Variants in ME3 observed in about 807,000 individuals in gnomAD.
ME3 encodes the protein NADP-dependent malic enzyme, mitochondrial.
A neutral mutation model predicts 68.9 loss-of-function variants in ME3; 48 were observed. The ratio of observed to expected loss-of-function variants is 0.70; its 90% CI spans 0.55 to 0.89. The LOEUF is 0.89. Among genes scored for constraint, ME3 ranks in the 40% least tolerant of loss-of-function variants. The pLI, the probability that ME3 is intolerant of heterozygous loss-of-function variation, is 0.00. For missense variants in ME3, 675 were observed against 797.4 expected, an observed-to-expected ratio of 0.85 and a Z score of 1.85; for synonymous variants, 320 against 318.8, an observed-to-expected ratio of 1.00 and a Z score of -0.04.
intron 4 of ME3, among the ~76,000 whole-genome samples, chr11:86,546,956 C>T (rs1033765500): frequency 4.6e-5 from 7 of 150,986 alleles, no homozygotes; most frequent in Admixed American, 6.6e-5. Flanking sequence ...GAAAATGTAG[C>T]GGCCGGGCAC....
chr11:86,591,826 G>C (rs1959077996), intron 2 of ME3, among the ~76,000 whole-genome samples: 1 of 152,024 alleles, frequency 6.6e-6, no homozygotes, highest in Admixed American at 6.5e-5. Context: ...AACAGCATGG[G>C]AAAGACCTGC....
At chr11:86,498,443 T>C (rs1952508981) in intron 5 of ME3, among the ~76,000 whole-genome samples, 1 of 152,016 alleles carries the variant, frequency 6.6e-6, no homozygotes. Context: ...GGAAACTAAA[T>C]AGACACTCTC....
chr11:86,475,545 A>G (rs1951011610), intron 7 of ME3, among the ~76,000 whole-genome samples: 1 of 152,180 alleles, frequency 6.6e-6, no homozygotes. Context: ...CAGGGAAGGC[A>G]CGTGATAAAT....
exon 13 of ME3, chr11:86,446,383 C>G: frequency 3.7e-6 from 6 of 1,614,182 alleles, no homozygotes; most frequent in Non-Finnish European, 4.2e-6. Flanking sequence ...CCAGTGCCAC[C>G]CCGGGGAACA....
At chr11:86,449,629 T>C (rs893883999) in intron 10 of ME3, among the ~76,000 whole-genome samples, 5 of 152,150 alleles carry the variant, frequency 3.3e-5, no homozygotes, top group African/African-American at 1.2e-4. Flanking sequence ...TATGATTTAA[T>C]GTGGCTGGAG....
intron 7 of ME3, among the ~76,000 whole-genome samples, chr11:86,480,855 A>C (rs1303286042): frequency 6.6e-6 from 1 of 152,178 alleles, no homozygotes; most frequent in Non-Finnish European, 1.5e-5. Flanking sequence ...GTAGACCTCC[A>C]TGGCAGGGTG....
intron 5 of ME3, among the ~76,000 whole-genome samples, chr11:86,508,192 A>G (rs757019095): frequency 6.6e-5 from 10 of 152,116 alleles, no homozygotes; most frequent in Admixed American, 1.3e-4. Context: ...ATTGTCCATC[A>G]TAGGCTTTTA....
chr11:86,499,191 T>G (rs989552367), intron 5 of ME3, among the ~76,000 whole-genome samples: 2 of 151,708 alleles, frequency 1.3e-5, no homozygotes, highest in African/African-American at 4.8e-5. Flanking sequence ...GTAGAGGTGC[T>G]GGGGGTGGGG....
At chr11:86,627,505 T>C (rs1019618212) in intron 2 of ME3, among the ~76,000 whole-genome samples, 3 of 152,202 alleles carry the variant, frequency 2.0e-5, no homozygotes, top group African/African-American at 7.2e-5. Context: ...AAGTGTATTA[T>C]TTCTTTATTC....
At chr11:86,589,366 A>G (rs1228834370) in intron 2 of ME3, among the ~76,000 whole-genome samples, 1 of 151,890 alleles carries the variant, frequency 6.6e-6, no homozygotes, top group Non-Finnish European at 1.5e-5. Flanking sequence ...AGAGGGAGAA[A>G]GAAAGAGAGA....
chr11:86,584,626 T>C (rs1958629022), intron 2 of ME3, among the ~76,000 whole-genome samples: 1 of 152,204 alleles, frequency 6.6e-6, no homozygotes. Context: ...AAATATGGAA[T>C]GCCTGCAATA....
chr11:86,490,140 G>T (rs1245497399), intron 6 of ME3, among the ~76,000 whole-genome samples: 3 of 152,172 alleles, frequency 2.0e-5, no homozygotes, highest in Non-Finnish European at 2.9e-5. Context: ...TATTAGGTGT[G>T]GGGGAGGGTG....
intron 2 of ME3, among the ~76,000 whole-genome samples, chr11:86,646,202 G>A (rs1415465823): frequency 6.6e-6 from 1 of 152,160 alleles, no homozygotes; most frequent in East Asian, 1.9e-4. Context: ...CAAAGAATGA[G>A]TTTGAATTGA....
intron 4 of ME3, among the ~76,000 whole-genome samples, chr11:86,527,777 A>G (rs1954878356): frequency 6.6e-6 from 1 of 152,258 alleles, no homozygotes; most frequent in Non-Finnish European, 1.5e-5. Context: ...TGAAGGAGAA[A>G]TAAAATACTT....
At chr11:86,545,297 T>C (rs1434593214) in intron 4 of ME3, among the ~76,000 whole-genome samples, 1 of 152,142 alleles carries the variant, frequency 6.6e-6, no homozygotes, top group Admixed American at 6.5e-5. Context: ...CTATTCAACA[T>C]AGTGTTGGAA....
At chr11:86,510,221 C>T (rs1489360894) in intron 4 of ME3, among the ~76,000 whole-genome samples, 2 of 152,184 alleles carry the variant, frequency 1.3e-5, no homozygotes, top group African/African-American at 2.4e-5. Context: ...ACTGCTCTTG[C>T]AAAGGCTACC....
chr11:86,494,820 T>A (rs1191981599), intron 6 of ME3, among the ~76,000 whole-genome samples: 1 of 152,150 alleles, frequency 6.6e-6, no homozygotes, highest in African/African-American at 2.4e-5. Flanking sequence ...TGATACCCAC[T>A]AAACACTCAA....
At chr11:86,564,407 C>G (rs1594465700) in intron 2 of ME3, among the ~76,000 whole-genome samples, 1 of 146,246 alleles carries the variant, frequency 6.8e-6, no homozygotes, top group Admixed American at 6.9e-5. Context: ...GGACCCCGAA[C>G]AGCCAAAATC....
intron 13 of ME3, among the ~76,000 whole-genome samples, chr11:86,445,261 G>A (rs938445906): frequency 6.6e-5 from 10 of 152,222 alleles, no homozygotes; most frequent in African/African-American, 1.9e-4. Context: ...AGTAGTGTGC[G>A]TGGGGCTGGG....
Sources: allele counts gnomAD v4.1 joint callset (sites outside exome capture counted in the v4.1 genomes callset), GRCh38; gene constraint gnomAD v4.1.1; transcripts MANE v1.5; gene names NCBI Gene and HGNC (gene_info 2026-07-23, HGNC 2026-07-21).